Variants in TBCD observed in about 807,000 individuals in gnomAD.
TBCD encodes the protein tubulin-specific chaperone D.
In TBCD, 105 loss-of-function variants were observed where a neutral mutation model predicts 169.3. That is an observed-to-expected ratio of 0.62 (90% CI 0.53 to 0.73). The LOEUF (loss-of-function observed/expected upper bound fraction) is 0.73. Ranked by LOEUF, TBCD falls within the 30% of genes least tolerant of loss-of-function variation. The pLI is 0.00. For missense variants in TBCD, 1,444 were observed against 1,600.1 expected (o/e 0.90, Z 1.66); for synonymous variants, 700 against 643.9 (o/e 1.09, Z -1.32).
rs2060005902 is a variant in TBCD at position 82,903,210 on chromosome 17, T to C, written c.1731-195T>C. On this transcript the variant is annotated intron_variant, in intron 18 of 38. Transcript: ENST00000355528. The surrounding 1 kb of genome is among the most constrained non-coding windows in gnomAD (Gnocchi z 4.8). ...AAGAACCGTGGTTAGCCGTGTGACCTCGCTGTTGTAGACTGTCCTTGTCGT... is the reference window on the plus strand; with the variant it reads ...AAGAACCGTGGTTAGCCGTGTGACCCCGCTGTTGTAGACTGTCCTTGTCGT... 1.3e-5 allele frequency among the ~76,000 whole-genome samples: 2 copies of C among 152,182 alleles called. No homozygotes were observed. The highest frequency in any genetic ancestry group is 1.5e-5 in the Non-Finnish European group (1 of 68,042).
intron 12 of TBCD, among the ~76,000 whole-genome samples, chr17:82,811,984 C>T (rs894858699): frequency 1.3e-5 from 2 of 152,138 alleles, no homozygotes; most frequent in Non-Finnish European, 2.9e-5. Flanking sequence ...GCACCCATCC[C>T]CAGGGGGTTC....
At chr17:82,854,549 TG>T (rs1213571411) in intron 13 of TBCD, among the ~76,000 whole-genome samples, 3 of 152,156 alleles carry the variant, frequency 2.0e-5, no homozygotes, top group Non-Finnish European at 4.4e-5. Context: ...GTTACTTGTA[TG>T]GGGGTGTACA....
At chr17:82,855,993 CTTT>C (rs60978063) in intron 13 of TBCD, among the ~76,000 whole-genome samples, 1 of 66,268 alleles carries the variant, frequency 1.5e-5, no homozygotes, top group Non-Finnish European at 2.5e-5. Flanking sequence ...TCCCCCCCCA[CTTT>C]TTTTTTTTTT....
intron 13 of TBCD, among the ~76,000 whole-genome samples, chr17:82,829,055 G>A (rs976689160): frequency 1.0e-4 from 14 of 135,788 alleles, no homozygotes; most frequent in East Asian, 6.7e-4. Flanking sequence ...GATCGAATGC[G>A]CACACACCCA....
chr17:82,810,097 T>G (rs1309135345), intron 12 of TBCD, among the ~76,000 whole-genome samples: 1 of 152,162 alleles, frequency 6.6e-6, no homozygotes, highest in African/African-American at 2.4e-5. Flanking sequence ...TGTGGGAGGT[T>G]CGGGTCTACC....
chr17:82,851,843 G>T (rs1239145474), intron 13 of TBCD, among the ~76,000 whole-genome samples: 1 of 152,200 alleles, frequency 6.6e-6, no homozygotes, highest in Non-Finnish European at 1.5e-5. Context: ...CAGGAAATTT[G>T]GTAGCTTAGG....
intron 13 of TBCD, among the ~76,000 whole-genome samples, chr17:82,854,036 A>G (rs2056042349): frequency 6.6e-6 from 1 of 152,102 alleles, no homozygotes; most frequent in Non-Finnish European, 1.5e-5. Flanking sequence ...TGTACCACGA[A>G]TATTCAGAGC....
intron 12 of TBCD, among the ~76,000 whole-genome samples, chr17:82,813,533 A>G (rs887261044): frequency 3.3e-5 from 5 of 151,986 alleles, no homozygotes; most frequent in Admixed American, 2.0e-4. Flanking sequence ...CATCCCCTGG[A>G]CCCTGCCACC....
At chr17:82,881,066 C>G (rs192740800) in intron 14 of TBCD, among the ~76,000 whole-genome samples, 1 of 152,220 alleles carries the variant, frequency 6.6e-6, no homozygotes, top group Admixed American at 6.5e-5. Context: ...ACCCTATTCC[C>G]CTTGGGCTCC....
intron 13 of TBCD, among the ~76,000 whole-genome samples, 186 bp downstream of exon 13, chr17:82,815,120 C>T (rs550105788): frequency 4.6e-5 from 7 of 152,340 alleles, no homozygotes; most frequent in South Asian, 2.1e-4. Context: ...GGCCCTGCCG[C>T]GGGCACGCCC....
In TBCD at chr17:82,889,711, C is replaced by T. The variant is rs1336041520; in HGVS notation, c.1563+14C>T. 2 of 1,613,022 alleles carry T rather than the reference C, an allele frequency of 1.2e-6. No individual in the cohort carries two copies. The highest frequency in any genetic ancestry group is 1.7e-6 in the Non-Finnish European group (2 of 1,179,692). On this transcript the variant is annotated intron_variant, in intron 16 of 38. Transcript: ENST00000355528. The surrounding 1 kb of genome is among the most constrained non-coding windows in gnomAD (Gnocchi z 5.3). ...GTGGGGAGACAGGTATGGCTGCTTT[C>T]AAACACCTTTATTCCAAAAACTTCC...
chr17:82,786,043 C>G (rs955665834), intron 7 of TBCD, among the ~76,000 whole-genome samples: 13 of 152,136 alleles, frequency 8.5e-5, no homozygotes, highest in African/African-American at 3.1e-4. Context: ...GTGTAAGCAG[C>G]TCTTCAGCTT....
At chr17:82,778,823 G>C (rs2048760982) in intron 6 of TBCD, among the ~76,000 whole-genome samples, 1 of 151,282 alleles carries the variant, frequency 6.6e-6, no homozygotes, top group Non-Finnish European at 1.5e-5. Flanking sequence ...CAGCACCCCT[G>C]GCTAATTTTT....
At chr17:82,808,603 A>AGG (rs2051182095) in intron 11 of TBCD, among the ~76,000 whole-genome samples, 1 of 109,948 alleles carries the variant, frequency 9.1e-6, no homozygotes, top group Non-Finnish European at 1.8e-5. Context: ...AGGCAGGTCC[A>AGG]AGGGCTGGCA....
At chr17:82,826,279 T>C (rs1181335298) in intron 13 of TBCD, among the ~76,000 whole-genome samples, 1 of 152,136 alleles carries the variant, frequency 6.6e-6, no homozygotes, top group Non-Finnish European at 1.5e-5. Context: ...GCTAGTTACT[T>C]AGAAGTTTTT....
chr17:82,752,107 C>T lies in TBCD; in HGVS notation c.-87C>T, dbSNP rs182548698. 8.9e-6 allele frequency: 12 copies of T among 1,354,658 alleles called. No individual in the cohort carries two copies. The East Asian group carries it at 1.6e-4, about 18-fold the overall frequency. 83.9% of individuals were successfully genotyped at this position (1,354,658 alleles called of 1,614,324 possible). ...CCTTAGCGGGCGCCTCCTTTTCATC[C>T]CTCATCCTTCATCCCTGGCTTTCGC... On this transcript the variant is annotated 5_prime_UTR_variant, in exon 1 of 39. Coordinates refer to ENST00000355528, the MANE Select transcript of TBCD (RefSeq NM_005993.5).
Position 82,832,319 on chromosome 17 carries a change from A to T in TBCD, c.1318+17385A>T. The T allele has an allele frequency of 6.2e-7, 1 of 1,614,202 alleles. No homozygotes were observed. The highest frequency in any genetic ancestry group is 8.5e-7 in the Non-Finnish European group (1 of 1,180,034). On this transcript the variant is annotated intron_variant, in intron 13 of 38. Transcript: ENST00000355528. This position sits in a 1 kb window ranked among gnomAD's most constrained non-coding sequence, Gnocchi z 4.9. ...GTAATCGAGTTTTTACAAAGACCAT[A>T]CTTCATGTGATTAAAAAGATGTGAC...
At position 82,831,008 on chromosome 17, in the gene TBCD, C is replaced by T. The variant is rs937056909; in HGVS notation, c.1318+16074C>T. On this transcript the variant is annotated intron_variant, in intron 13 of 38. Transcript: ENST00000355528. This position sits in a 1 kb window ranked among gnomAD's most constrained non-coding sequence, Gnocchi z 4.6. The stretch of plus-strand genomic sequence containing the variant: ...ATTCCCTTGGAGGTTTTGAAAATGA[C>T]ATTTTCTTACCTTACTGGAGACTCT... 1.2e-6 allele frequency: 2 copies of T among 1,614,010 alleles called. No homozygotes were observed.
At chr17:82,780,266 C>G (rs944034848) in intron 6 of TBCD, among the ~76,000 whole-genome samples, 2 of 152,212 alleles carry the variant, frequency 1.3e-5, no homozygotes, top group African/African-American at 2.4e-5. Context: ...CGTCCTCTCT[C>G]TAACGAGGCC....
Sources: gnomAD v4.1 joint callset for allele counts (sites outside exome capture counted in the v4.1 genomes callset) on GRCh38, gnomAD v4.1.1 for gene constraint, Gnocchi (gnomAD v3.1) non-coding constraint, MANE v1.5 for transcripts, NCBI Gene and HGNC (gene_info 2026-07-23, HGNC 2026-07-21) for gene names.